Variants in AK3 observed in about 807,000 individuals in gnomAD.
AK3 encodes adenylate kinase 3, also known as GTP:AMP phosphotransferase AK3, mitochondrial.
In AK3, 27 loss-of-function variants were observed where a neutral mutation model predicts 23.7. The ratio of observed to expected loss-of-function variants is 1.14; its 90% CI spans 0.84 to 1.57. The LOEUF is 1.57. Among genes scored for constraint, AK3 ranks in the 40% most tolerant of loss-of-function variants. AK3 has a pLI of 0.00. For missense variants in AK3, 406 were observed against 285.6 expected (o/e 1.42, Z -3.04); for synonymous variants, 159 against 116.0 (o/e 1.37, Z -2.38).
At position 4,718,498 on chromosome 9, in the gene AK3, C is replaced by T; in HGVS notation, c.484G>A (p.Glu162Lys). Residue 162 changes from glutamate (E) to lysine (K), a missense_variant, in exon 4 of 5, where the codon GAG becomes AAG. Glu to Lys is a moderately conservative substitution (Grantham distance 56). Transcript: ENST00000381809. ...ATAACCGTCTCTGGTTTATCATCCTCACGCTGAATGAGAGGCTCCCCAGTC... is the reference window on the plus strand; with the variant it reads ...ATAACCGTCTCTGGTTTATCATCCTTACGCTGAATGAGAGGCTCCCCAGTC... ...DLTGEPLIQR[E>K]DDKPETVIKR... 1 of 1,613,826 alleles carries T rather than the reference C, an allele frequency of 6.2e-7. No homozygotes were observed. Among genetic ancestry groups the T allele is most frequent in the Non-Finnish European group, 8.5e-7 (1 of 1,179,832 alleles).
intron 1 of AK3, among the ~76,000 whole-genome samples, chr9:4,730,686 T>G (rs1168622897): frequency 6.6e-6 from 1 of 152,202 alleles, no homozygotes; most frequent in East Asian, 1.9e-4. Flanking sequence ...AGTCTAATAA[T>G]CTGTTTTTCA....
At chr9:4,722,456 C>T in intron 2 of AK3, 50 bp downstream of exon 2, 1 of 1,612,904 alleles carries the variant, frequency 6.2e-7, no homozygotes, top group Non-Finnish European at 8.5e-7. Flanking sequence ...CATTCTCCTG[C>T]CAGCACTGAT....
Position 4,712,865 on chromosome 9 carries a change from T to C in AK3, c.*111A>G, listed in dbSNP as rs62542955. On this transcript the variant is annotated 3_prime_UTR_variant, in exon 5 of 5. Transcript: ENST00000381809. ...ATAAAATCAGTAGAAATAAAAGTAA[T>C]ATAATTTTCAAAGAATTCATACATA... The C allele has an allele frequency of 8.0e-3, 9,699 of 1,214,450 alleles. 58 individuals carry two copies. The highest frequency in any genetic ancestry group is 0.019 in the Middle Eastern group (63 of 3,324). The allele number at this position is 1,214,450 out of a possible 1,614,324, so 75.2% of individuals were successfully genotyped here.
At chr9:4,713,655 G>T (rs2776772) in intron 4 of AK3, among the ~76,000 whole-genome samples, 18,520 of 152,084 alleles carry the variant, frequency 0.12, 1,344 homozygotes, top group African/African-American at 0.2. Flanking sequence ...TTAACAGAAA[G>T]GGGAATAAAA....
chr9:4,713,588 C>T (rs974047449), intron 4 of AK3, among the ~76,000 whole-genome samples: 3 of 152,048 alleles, frequency 2.0e-5, no homozygotes, highest in Non-Finnish European at 4.4e-5. Flanking sequence ...ACTTGAGTAT[C>T]TTTCCTTTTT....
chr9:4,734,760 A>G (rs1355209828), intron 1 of AK3, among the ~76,000 whole-genome samples: 1 of 152,260 alleles, frequency 6.6e-6, no homozygotes, highest in Non-Finnish European at 1.5e-5. Flanking sequence ...AATGTTCACC[A>G]ACTTATGAAT....
At chr9:4,739,182 G>C (rs1034163847) in intron 1 of AK3, among the ~76,000 whole-genome samples, 2 of 151,934 alleles carry the variant, frequency 1.3e-5, no homozygotes, top group Non-Finnish European at 2.9e-5. Context: ...TAGCAAGCAA[G>C]TCAAACAATC....
chr9:4,735,280 T>C lies in AK3; in HGVS notation c.151+5657A>G, dbSNP rs1366479184. Among the ~76,000 whole-genome samples, 3 of 72,916 alleles carry C rather than the reference T, an allele frequency of 4.1e-5. 1 individual carries two copies. The highest frequency in any genetic ancestry group is 1.8e-4 in the African/African-American group (3 of 16,800). The allele number at this position is 72,916 out of a possible 152,430, so 47.8% of individuals were successfully genotyped here. A position where few individuals can be genotyped will look rare whatever the true frequency, so the allele number is the denominator to read the frequency against. The stretch of plus-strand genomic sequence containing the variant: ...ATATATAAATATATATATAAATATA[T>C]ATACATATATAAATATATATATACA... On this transcript the variant is annotated intron_variant, in intron 1 of 4. Coordinates refer to ENST00000381809, the MANE Select transcript of AK3 (RefSeq NM_016282.4).
Position 4,712,925 on chromosome 9 carries a change from A to C in AK3, c.*51T>G. The stretch of plus-strand genomic sequence containing the variant: ...TTAGGAAAAGCAGCTTCTAAATGCA[A>C]GGACTAGGAGGTTTGCCCATCTTAC... On this transcript the variant is annotated 3_prime_UTR_variant, in exon 5 of 5. Transcript: ENST00000381809. 1 of 1,563,634 alleles carries C rather than the reference A, an allele frequency of 6.4e-7. No homozygotes were observed. The highest frequency in any genetic ancestry group is 8.7e-7 in the Non-Finnish European group (1 of 1,153,790).
At chr9:4,722,339 T>A (rs1349297011) in intron 2 of AK3, among the ~76,000 whole-genome samples, 167 bp downstream of exon 2, 2 of 152,212 alleles carry the variant, frequency 1.3e-5, no homozygotes, top group Non-Finnish European at 2.9e-5. Context: ...TCTTTCCATT[T>A]GGATATAGAA....
At chr9:4,713,688 C>T (rs541872566) in intron 4 of AK3, among the ~76,000 whole-genome samples, 96 of 152,232 alleles carry the variant, frequency 6.3e-4, no homozygotes, top group African/African-American at 2.3e-3. Context: ...ATTGGGTTTC[C>T]TATTGACTGT....
At chr9:4,730,243 A>G (rs536662535) in intron 1 of AK3, among the ~76,000 whole-genome samples, 2 of 152,334 alleles carry the variant, frequency 1.3e-5, no homozygotes, top group African/African-American at 2.4e-5. Context: ...AAAATGTTCT[A>G]AAATTGATTG....
chr9:4,736,047 G>A (rs546630355), intron 1 of AK3, among the ~76,000 whole-genome samples: 76 of 150,592 alleles, frequency 5.0e-4, no homozygotes, highest in African/African-American at 1.8e-3. Context: ...CGTGGGAGGC[G>A]GAGGTTACAG....
At chr9:4,730,178 G>A (rs1842120620) in intron 1 of AK3, among the ~76,000 whole-genome samples, 1 of 152,130 alleles carries the variant, frequency 6.6e-6, no homozygotes, top group African/African-American at 2.4e-5. Flanking sequence ...TGGGAGGGTT[G>A]GGGAGAAATG....
chr9:4,716,291 A>T (rs1841723409), intron 4 of AK3, among the ~76,000 whole-genome samples: 1 of 152,206 alleles, frequency 6.6e-6, no homozygotes, highest in Non-Finnish European at 1.5e-5. Context: ...GGAGCCTGAC[A>T]GGGACTGGAT....
At chr9:4,739,688 T>G (rs1842378551) in intron 1 of AK3, among the ~76,000 whole-genome samples, 1 of 151,812 alleles carries the variant, frequency 6.6e-6, no homozygotes. Flanking sequence ...TCCGAGCACT[T>G]TGGAAGGCCG....
At chr9:4,718,343 G>T in intron 4 of AK3, 76 bp downstream of exon 4, 1 of 1,068,622 alleles carries the variant, frequency 9.4e-7, no homozygotes, top group Non-Finnish European at 1.4e-6. Flanking sequence ...TAGCATTTCA[G>T]CTGTAGAGGA....
intron 1 of AK3, among the ~76,000 whole-genome samples, chr9:4,734,275 A>G (rs1291378653): frequency 6.6e-6 from 1 of 152,084 alleles, no homozygotes; most frequent in Non-Finnish European, 1.5e-5. Context: ...CAACTCTACC[A>G]GTGCCTTGGT....
chr9:4,739,520 C>G (rs1055468924), intron 1 of AK3, among the ~76,000 whole-genome samples: 14 of 150,764 alleles, frequency 9.3e-5, no homozygotes, highest in South Asian at 2.1e-4. Context: ...ATACATACTA[C>G]AAAAACAGAA....
Sources: gnomAD v4.1 joint callset for allele counts (sites outside exome capture counted in the v4.1 genomes callset) on GRCh38, gnomAD v4.1.1 for gene constraint, MANE v1.5 for transcripts, NCBI Gene and HGNC (gene_info 2026-07-23, HGNC 2026-07-21) for gene names.